The following AVEN variants were observed in gnomAD, a reference collection of about 807,000 sequenced individuals.
AVEN encodes apoptosis and caspase activation inhibitor, also known as cell death regulator Aven.
AVEN carries 41 observed loss-of-function variants against 38.1 expected under a neutral mutation model. The observed-to-expected ratio is 1.08, with a 90% CI of 0.84 to 1.40. The LOEUF (loss-of-function observed/expected upper bound fraction) is 1.40. AVEN is among the 40% of genes most tolerant of loss of function. The pLI is 0.00. For synonymous variants in AVEN, 206 were observed against 171.8 expected, an observed-to-expected ratio of 1.20 and a Z score of -1.56; for missense variants, 605 against 438.8, an observed-to-expected ratio of 1.38 and a Z score of -3.38.
intron 2 of AVEN, among the ~76,000 whole-genome samples, chr15:33,926,785 G>C (rs1057225631): frequency 3.9e-5 from 6 of 152,082 alleles, no homozygotes; most frequent in Non-Finnish European, 7.4e-5. Context: ...CTCCCGAGTA[G>C]CTGGGATTAC....
intron 11 of AVEN, chr15:33,860,673 A>C (rs148016052): frequency 1.3e-6 from 2 of 1,549,534 alleles, no homozygotes; most frequent in South Asian, 1.2e-5. Flanking sequence ...ATGTTACTCT[A>C]ACTACTAATC....
chr15:33,984,446 A>C (rs1896332553), intron 2 of AVEN, among the ~76,000 whole-genome samples: 1 of 151,578 alleles, frequency 6.6e-6, no homozygotes, highest in Non-Finnish European at 1.5e-5. Context: ...CTTGTTGCTC[A>C]GGCTGGAGTG....
At chr15:33,879,886 G>C (rs1006588975) in intron 2 of AVEN, among the ~76,000 whole-genome samples, 1 of 152,098 alleles carries the variant, frequency 6.6e-6, no homozygotes, top group Non-Finnish European at 1.5e-5. Context: ...TGTCTATAAA[G>C]AGAACTATTC....
intron 1 of AVEN, among the ~76,000 whole-genome samples, chr15:34,015,040 G>A (rs1897822494): frequency 6.6e-6 from 1 of 152,146 alleles, no homozygotes; most frequent in African/African-American, 2.4e-5. Flanking sequence ...CCTGAAGCCT[G>A]AAAAGCTGTC....
intron 2 of AVEN, among the ~76,000 whole-genome samples, chr15:33,888,252 A>G (rs550611363): frequency 2.0e-5 from 3 of 152,316 alleles, no homozygotes; most frequent in African/African-American, 7.2e-5. Flanking sequence ...GGATCACATA[A>G]ATAAGCAGTT....
chr15:34,018,766 T>C (rs1272385900), intron 1 of AVEN, among the ~76,000 whole-genome samples: 3 of 152,230 alleles, frequency 2.0e-5, no homozygotes, highest in Admixed American at 2.0e-4. Context: ...TTTTACAGAG[T>C]GCTAATTGGT....
rs537997274 is a variant in AVEN, at chr15:34,073,767, C to T, written n.720+669G>A. Among the ~76,000 whole-genome samples the T allele has an allele frequency of 7.6e-4, 115 of 151,582 alleles. 1 individual carries two copies. Among genetic ancestry groups the T allele is most frequent in the African/African-American group, 2.5e-3 (102 of 41,378 alleles). ...AACTCCTGACCTTGGGTGATCCACC[C>T]GCCTCGGCCTCCCAAAGTGTTGGGA... On this transcript the variant is annotated intron_variant and non_coding_transcript_variant, in intron 1 of 11. Transcript: ENST00000675287.
intron 2 of AVEN, among the ~76,000 whole-genome samples, chr15:33,995,406 T>C (rs1896892709): frequency 6.6e-6 from 1 of 152,236 alleles, no homozygotes; most frequent in Non-Finnish European, 1.5e-5. Context: ...ATTTAAAGTA[T>C]ATAAAGGAAG....
At chr15:33,990,386 A>G (rs1896670834) in intron 2 of AVEN, among the ~76,000 whole-genome samples, 1 of 152,142 alleles carries the variant, frequency 6.6e-6, no homozygotes, top group African/African-American at 2.4e-5. Context: ...TGTCTGAAAA[A>G]AAAAAGAAAA....
intron 4 of AVEN, chr15:34,064,692 T>C (rs1410771834): frequency 3.4e-5 from 8 of 232,668 alleles, no homozygotes; most frequent in African/African-American, 1.1e-4. Flanking sequence ...TGTGGAAACC[T>C]GTCATAGAAT....
chr15:34,073,207 A>ATTT lies in AVEN; in HGVS notation n.720+1226_720+1228dup, dbSNP rs761265891. On this transcript the variant is annotated intron_variant and non_coding_transcript_variant, in intron 1 of 11. Coordinates refer to the AVEN transcript ENST00000675287. ...AGGCGCCCGCCACCTCGCCCGGCTA[A>ATTT]TTTTTTTTTTTTTTTTTTTTTGTAT... 2.7e-3 allele frequency among the ~76,000 whole-genome samples: 305 copies of ATTT among 111,824 alleles called. 1 individual carries two copies. The highest frequency in any genetic ancestry group is 8.4e-3 in the African/African-American group (221 of 26,266). The allele number at this position is 111,824 out of a possible 152,430, so 73.4% of individuals were successfully genotyped here. A position where few individuals can be genotyped will look rare whatever the true frequency, so the allele number is the denominator to read the frequency against.
intron 2 of AVEN, among the ~76,000 whole-genome samples, chr15:33,892,801 A>C (rs1892043418): frequency 6.6e-6 from 1 of 151,982 alleles, no homozygotes; most frequent in Non-Finnish European, 1.5e-5. Context: ...TGAATCTATA[A>C]ATTACCTTGG....
chr15:33,955,152 C>T (rs541764355), intron 2 of AVEN, among the ~76,000 whole-genome samples: 1 of 152,072 alleles, frequency 6.6e-6, no homozygotes, highest in Non-Finnish European at 1.5e-5. Context: ...AAATACTATA[C>T]AATCTTTGCT....
intron 2 of AVEN, among the ~76,000 whole-genome samples, chr15:33,910,796 G>C (rs997740301): frequency 2.0e-5 from 3 of 152,312 alleles, no homozygotes; most frequent in South Asian, 2.1e-4. Flanking sequence ...CTAGCCAACA[G>C]TGATCATGGC....
chr15:34,040,373 T>C (rs1392570313), upstream of AVEN, among the ~76,000 whole-genome samples: 3 of 152,152 alleles, frequency 2.0e-5, no homozygotes, highest in South Asian at 6.2e-4. Context: ...TAAAGCCTAA[T>C]GGTTGAGTAG....
chr15:34,061,308 T>C (rs1567493315), intron 5 of AVEN, among the ~76,000 whole-genome samples: 2 of 152,160 alleles, frequency 1.3e-5, no homozygotes, highest in Non-Finnish European at 1.5e-5. Flanking sequence ...AAAGTTAAAA[T>C]TTGTCAACAG....
intron 2 of AVEN, among the ~76,000 whole-genome samples, chr15:33,888,754 T>TG (rs1891811305): frequency 2.0e-5 from 3 of 151,904 alleles, no homozygotes; most frequent in Admixed American, 2.0e-4. Flanking sequence ...AATTCTTTTT[T>TG]TGTGTGTGTG....
At chr15:34,024,733 C>T (rs1163294939) in intron 1 of AVEN, among the ~76,000 whole-genome samples, 19 of 150,294 alleles carry the variant, frequency 1.3e-4, no homozygotes, top group South Asian at 2.1e-4. Flanking sequence ...TGGTGGCACA[C>T]GCCTGTAATC....
chr15:34,006,243 G>A (rs969597447), intron 1 of AVEN, among the ~76,000 whole-genome samples: 3 of 152,138 alleles, frequency 2.0e-5, no homozygotes, highest in East Asian at 3.9e-4. Flanking sequence ...TCCAGGAGGC[G>A]GAGTTTGCAG....
Sources: allele counts gnomAD v4.1 joint callset (sites outside exome capture counted in the v4.1 genomes callset), GRCh38; gene constraint gnomAD v4.1.1; transcripts MANE v1.5; gene names NCBI Gene and HGNC (gene_info 2026-07-23, HGNC 2026-07-21).